The following ERAP2 variants were observed in gnomAD, a reference collection of about 807,000 sequenced individuals.
The protein encoded by ERAP2 is endoplasmic reticulum aminopeptidase 2.
ERAP2 carries 118 observed loss-of-function variants against 111.1 expected under a neutral mutation model. The ratio of observed to expected loss-of-function variants is 1.06; its 90% CI spans 0.92 to 1.24. The LOEUF (loss-of-function observed/expected upper bound fraction) is 1.24. Ranked by LOEUF, ERAP2 falls within the 50% of genes most tolerant of loss-of-function variation. ERAP2 has a pLI of 0.00. For missense variants in ERAP2, 1,131 were observed against 1,125.8 expected, an observed-to-expected ratio of 1.00 and a Z score of -0.07; for synonymous variants, 410 against 401.2, an observed-to-expected ratio of 1.02 and a Z score of -0.26.
chr5:96,913,529 C>A, intron 17 of ERAP2, 72 bp downstream of exon 17: 1 of 1,520,584 alleles, frequency 6.6e-7, no homozygotes, highest in South Asian at 1.1e-5. Flanking sequence ...CAAGTGTAAT[C>A]AAATGTTTCT....
At chr5:96,902,525 T>A (rs890069792) in intron 12 of ERAP2, 172 bp downstream of exon 12, 1 of 527,930 alleles carries the variant, frequency 1.9e-6, no homozygotes, top group Non-Finnish European at 3.4e-6. Context: ...AAAATCTGGA[T>A]TTTTCATTCA....
chr5:96,881,440 G>A, intron 2 of ERAP2: 1 of 456,256 alleles, frequency 2.2e-6, no homozygotes, highest in East Asian at 6.9e-5. Context: ...GCTTCATAGA[G>A]TGGACGGCTT....
Position 96,886,722 on chromosome 5 carries a change from C to G in ERAP2, c.782C>G (p.Thr261Arg). The change falls in exon 4 of 19, where the codon ACA becomes AGA. Residue 261 changes from threonine to arginine, a missense_variant. Thr to Arg is a moderately conservative substitution (Grantham distance 71). Transcript: ENST00000437043. ...TTTGAAACTACTGTAAAAATGAGTA[C>G]ATACCTTGTAGCCTACATAGTTTGT... ...DHFETTVKMS[T>R]YLVAYIVCDF... The G allele has an allele frequency of 6.4e-7, 1 of 1,554,424 alleles. No individual in the cohort carries two copies. The highest frequency in any genetic ancestry group is 8.8e-7 in the Non-Finnish European group (1 of 1,138,972).
chr5:96,909,502 T>C (rs1786471025), intron 14 of ERAP2, 78 bp from the exon 15 acceptor site: 1 of 1,087,614 alleles, frequency 9.2e-7, no homozygotes, highest in Non-Finnish European at 1.4e-6. Flanking sequence ...AAGTTTAGAG[T>C]TGAGCCCTTT....
chr5:96,900,188 T>C lies in ERAP2; in HGVS notation c.1571T>C (p.Met524Thr). 6.2e-7 allele frequency: 1 copy of C among 1,613,764 alleles called. No individual in the cohort carries two copies. ...CHSDPKMTSN[M>T]LAFLGENAEV... ...TCGGATCCCAAGATGACAAGTAACATGGTAAGGATAAAGAGAGTCACAGAG... is the reference window on the plus strand; with the variant it reads ...TCGGATCCCAAGATGACAAGTAACACGGTAAGGATAAAGAGAGTCACAGAG... The change falls in exon 10 of 19, where the codon ATG (methionine) becomes ACG (threonine). Residue 524 changes from methionine to threonine, a missense_variant and splice_region_variant. Coordinates refer to ENST00000437043, the MANE Select transcript of ERAP2 (RefSeq NM_022350.5).
At position 96,901,577 on chromosome 5, in the gene ERAP2, C is replaced by T. The variant is rs758152526; in HGVS notation, c.1644C>T (p.Pro548=). 6 of 1,613,942 alleles carry T rather than the reference C, an allele frequency of 3.7e-6. No homozygotes were observed. In the South Asian group the frequency reaches 5.5e-5, roughly 15 times the overall value. ...MTTWTLQKGI[P]LLVVKQDGCS... ...CATGGACTCTCCAGAAAGGAATCCC[C>T]CTGCTGGTGGTTAAACAAGACGGGT... Residue 548 remains proline (P), a synonymous_variant, in exon 11 of 19, where the codon CCC becomes CCT. Transcript: ENST00000437043.
intron 5 of ERAP2, among the ~76,000 whole-genome samples, chr5:96,891,915 T>C (rs1031403384): frequency 6.6e-6 from 1 of 152,196 alleles, no homozygotes; most frequent in Non-Finnish European, 1.5e-5. Context: ...ATCTCAAACA[T>C]ATTAGAAATT....
intron 2 of ERAP2, among the ~76,000 whole-genome samples, chr5:96,880,585 A>G (rs926710073): frequency 6.6e-5 from 10 of 152,228 alleles, no homozygotes; most frequent in Admixed American, 1.3e-4. Flanking sequence ...AAAGGAAGTG[A>G]GTCTTCATCT....
In ERAP2 at chr5:96,889,268, A is replaced by G; in HGVS notation, c.933A>G (p.Glu311=). ...QASLKLLDFY[E]KYFDIYYPLS... is the part of the protein sequence containing the mutation. ...CACTGAAGCTACTTGATTTTTATGA[A>G]AAGTACTTTGATATCTACTATCCAC... Residue 311 remains glutamate (E), a synonymous_variant, in exon 5 of 19, where the codon GAA becomes GAG. Coordinates refer to ENST00000437043, the MANE Select transcript of ERAP2 (RefSeq NM_022350.5). 1 of 1,613,970 alleles carries G rather than the reference A, an allele frequency of 6.2e-7. No individual in the cohort carries two copies. Among genetic ancestry groups the G allele is most frequent in the Non-Finnish European group, 8.5e-7 (1 of 1,179,868 alleles).
chr5:96,898,712 C>T (rs1190991009), intron 9 of ERAP2, among the ~76,000 whole-genome samples: 2 of 152,118 alleles, frequency 1.3e-5, no homozygotes. Flanking sequence ...GGACTCCAGC[C>T]TGGTGACAGA....
intron 16 of ERAP2, among the ~76,000 whole-genome samples, 166 bp downstream of exon 16, chr5:96,912,964 T>C (rs1786966977): frequency 6.6e-6 from 1 of 152,212 alleles, no homozygotes; most frequent in African/African-American, 2.4e-5. Flanking sequence ...ATGCAAATAG[T>C]GAAAACAGGT....
chr5:96,918,641 T>G lies in ERAP2; in HGVS notation c.*1036T>G, dbSNP rs1406421591. On this transcript the variant is annotated 3_prime_UTR_variant, in exon 19 of 19. Coordinates refer to ENST00000437043, the MANE Select transcript of ERAP2 (RefSeq NM_022350.5). The stretch of plus-strand genomic sequence containing the variant: ...CATACCATTTGGTTTAAGCCTTACA[T>G]TCATGAAGTACCTCAAGGGTAGATT... The G allele has an allele frequency of 6.6e-6, 1 of 152,206 alleles. No individual in the cohort carries two copies. Among genetic ancestry groups the G allele is most frequent in the Non-Finnish European group, 1.5e-5 (1 of 68,032 alleles). 9.4% of individuals were successfully genotyped at this position (152,206 alleles called of 1,614,324 possible).
intron 9 of ERAP2, among the ~76,000 whole-genome samples, chr5:96,899,900 CTT>C (rs1785268782): frequency 6.6e-6 from 1 of 152,204 alleles, no homozygotes; most frequent in South Asian, 2.1e-4. Context: ...TTTAAGGAAA[CTT>C]TACACATGCG....
rs1561356207 is a variant in ERAP2, at chr5:96,880,152, T to G, written c.467T>G (p.Leu156Arg). The change falls in exon 2 of 19, where the codon CTT becomes CGT. Residue 156 changes from leucine (L) to arginine (R), a missense_variant. This residue lies in a region of ERAP2 where 847 missense variants were observed against 856.5 expected (regional missense o/e 0.99). Transcript: ENST00000437043. ...EQIALLVPEK[L>R]TPHLKYYVAM... ...ATTGCACTGCTGGTTCCAGAGAAAC[T>G]TACGCCTCACCTGAAATACTATGTG... 6 of 1,614,068 alleles carry G rather than the reference T, an allele frequency of 3.7e-6. No homozygotes were observed. The highest frequency in any genetic ancestry group is 3.4e-6 in the Non-Finnish European group (4 of 1,179,982).
chr5:96,900,180 A>T lies in ERAP2; in HGVS notation c.1563A>T (p.Thr521=). 6.2e-7 allele frequency: 1 copy of T among 1,613,822 alleles called. No individual in the cohort carries two copies. Among genetic ancestry groups the T allele is most frequent in the Non-Finnish European group, 8.5e-7 (1 of 1,179,838 alleles). ...TTTGTCATTCGGATCCCAAGATGAC[A>T]AGTAACATGGTAAGGATAAAGAGAG... is the stretch of plus-strand genomic sequence containing the variant. ...GGVCHSDPKM[T]SNMLAFLGEN... is the part of the protein sequence containing the mutation. Residue 521 remains threonine, a synonymous_variant, in exon 10 of 19, where the codon ACA becomes ACT. Coordinates refer to ENST00000437043, the MANE Select transcript of ERAP2 (RefSeq NM_022350.5).
intron 18 of ERAP2, among the ~76,000 whole-genome samples, chr5:96,916,456 CTTTTT>C (rs745860227): frequency 0.052 from 5,062 of 97,550 alleles, 63 homozygotes; most frequent in Middle Eastern, 0.13. Flanking sequence ...TTCTAGTTAT[CTTTTT>C]TTTTTTTTTT....
intron 6 of ERAP2, 151 bp downstream of exon 6, chr5:96,892,604 A>C (rs1285751396): frequency 3.3e-5 from 28 of 838,024 alleles, no homozygotes; most frequent in Non-Finnish European, 5.1e-5. Context: ...CAAGTAGCAC[A>C]GTACTCAGTC....
At position 96,908,996 on chromosome 5, in the gene ERAP2, T is replaced by A; in HGVS notation, c.2048T>A (p.Met683Lys). 1 of 1,614,206 alleles carries A rather than the reference T, an allele frequency of 6.2e-7. No individual in the cohort carries two copies. The highest frequency in any genetic ancestry group is 8.5e-7 in the Non-Finnish European group (1 of 1,180,018). Residue 683 changes from methionine to lysine, a missense_variant, in exon 14 of 19, where the codon ATG becomes AAG. Met to Lys is a moderately conservative substitution (Grantham distance 95, BLOSUM62 -1). This residue lies in a region of ERAP2 where 847 missense variants were observed against 856.5 expected (regional missense o/e 0.99). Transcript: ENST00000437043. ...CTGACCCTAGACAAAGCTCTTGACA[T>A]GACTTACTACCTCCAACATGAAACA... is the stretch of plus-strand genomic sequence containing the variant. The part of the protein sequence containing the change: ...GRLTLDKALD[M>K]TYYLQHETSS...
chr5:96,900,091 T>C, intron 9 of ERAP2, 30 bp from the exon 10 acceptor site: 1 of 1,613,448 alleles, frequency 6.2e-7, no homozygotes, highest in Non-Finnish European at 8.5e-7. Context: ...GATGCCTACA[T>C]TGCAGTGCTC....
Sources: gnomAD v4.1 joint callset for allele counts (sites outside exome capture counted in the v4.1 genomes callset) on GRCh38, gnomAD v4.1.1 for gene constraint, gnomAD v4.1.1 regional missense constraint, MANE v1.5 for transcripts, NCBI Gene and HGNC (gene_info 2026-07-23, HGNC 2026-07-21) for gene names.